CALN1: variants seen among roughly 807,000 people sequenced by gnomAD.
CALN1 encodes calcium-binding protein 8.
Under a neutral mutation model 30.6 loss-of-function variants are expected in CALN1, and 17 were observed. That is an observed-to-expected ratio of 0.56 (90% CI 0.38 to 0.83). The LOEUF is 0.83. CALN1 is among the 40% of genes least tolerant of loss of function. The pLI is 0.00. For synonymous variants in CALN1, 156 were observed against 131.4 expected, an observed-to-expected ratio of 1.19 and a Z score of -1.28; for missense variants, 291 against 354.9, an observed-to-expected ratio of 0.82 and a Z score of 1.45.
intron 4 of CALN1, among the ~76,000 whole-genome samples, chr7:72,064,929 T>A: frequency 6.6e-6 from 1 of 151,952 alleles, no homozygotes; most frequent in Admixed American, 6.6e-5. Flanking sequence ...TGTTATTATG[T>A]GGCTCTAGGA....
intron 2 of CALN1, among the ~76,000 whole-genome samples, chr7:72,307,988 G>C (rs1264221162): frequency 6.6e-6 from 1 of 151,980 alleles, no homozygotes; most frequent in East Asian, 1.9e-4. Flanking sequence ...CCTTCACAAA[G>C]ACACGGTGAT....
chr7:72,262,704 G>A (rs1157055600), intron 3 of CALN1, among the ~76,000 whole-genome samples: 2 of 152,194 alleles, frequency 1.3e-5, no homozygotes, highest in African/African-American at 4.8e-5. Context: ...TGGCTGCACA[G>A]TATTCCATGT....
chr7:72,344,943 AATTG>A (rs908503144), intron 2 of CALN1, among the ~76,000 whole-genome samples: 57 of 147,512 alleles, frequency 3.9e-4, no homozygotes, highest in African/African-American at 1.2e-3. Flanking sequence ...TTCATATATG[AATTG>A]TTTTATGTGG....
intron 5 of CALN1, 69 bp from the exon 6 acceptor site, chr7:71,810,561 A>G (rs1013273510): frequency 6.6e-7 from 1 of 1,514,264 alleles, no homozygotes; most frequent in Non-Finnish European, 9.0e-7. Flanking sequence ...GGGCCATGAC[A>G]GGCCAGACCC....
At chr7:72,314,494 G>A (rs927005128) in intron 2 of CALN1, among the ~76,000 whole-genome samples, 1 of 150,686 alleles carries the variant, frequency 6.6e-6, no homozygotes, top group African/African-American at 2.4e-5. Context: ...CACAATTTTG[G>A]CTCACTGCAA....
chr7:72,058,146 C>T (rs773745046), intron 4 of CALN1, among the ~76,000 whole-genome samples: 1 of 152,006 alleles, frequency 6.6e-6, no homozygotes, highest in African/African-American at 2.4e-5. Context: ...AATCACGCCA[C>T]GTTAAACACC....
At chr7:72,395,286 G>A (rs1334084356) in intron 2 of CALN1, among the ~76,000 whole-genome samples, 1 of 152,174 alleles carries the variant, frequency 6.6e-6, no homozygotes, top group East Asian at 1.9e-4. Flanking sequence ...GTCCCCGGGA[G>A]AGAAAATAAA....
At chr7:71,803,208 G>A (rs527981464) in intron 6 of CALN1, among the ~76,000 whole-genome samples, 36 of 152,166 alleles carry the variant, frequency 2.4e-4, no homozygotes, top group African/African-American at 7.7e-4. Flanking sequence ...AATTCAGAGG[G>A]GTGAAATGAA....
chr7:72,066,413 T>A lies in CALN1; in HGVS notation c.388+39738A>T, dbSNP rs569676651. Among the ~76,000 whole-genome samples the A allele has an allele frequency of 1.2e-4, 18 of 152,306 alleles. 2 individuals are homozygous for A. The South Asian group carries it at 3.3e-3, about 28-fold the overall frequency. ...CTATCTTAACCACACACATACCAAATTCGTCAATGTAAACTTGTCAAATGC... is the reference window on the plus strand; with the variant it reads ...CTATCTTAACCACACACATACCAAAATCGTCAATGTAAACTTGTCAAATGC... On this transcript the variant is annotated intron_variant, in intron 4 of 6. Coordinates refer to ENST00000395275, the MANE Select transcript of CALN1 (RefSeq NM_031468.4).
chr7:72,330,378 G>A (rs1310323158), intron 2 of CALN1, among the ~76,000 whole-genome samples: 1 of 147,566 alleles, frequency 6.8e-6, no homozygotes, highest in African/African-American at 2.5e-5. Context: ...TGAGGCAGAA[G>A]AATCACTTGA....
At chr7:71,916,124 T>G (rs1794677935) in intron 5 of CALN1, among the ~76,000 whole-genome samples, 1 of 152,116 alleles carries the variant, frequency 6.6e-6, no homozygotes, top group South Asian at 2.1e-4. Context: ...ATGTGACACT[T>G]GAGCGAAGAT....
intron 2 of CALN1, among the ~76,000 whole-genome samples, chr7:72,393,679 C>T (rs1228022034): frequency 6.6e-6 from 1 of 151,790 alleles, no homozygotes; most frequent in Non-Finnish European, 1.5e-5. Flanking sequence ...TTCTGATGCT[C>T]CAAAGCCCTT....
intron 5 of CALN1, among the ~76,000 whole-genome samples, chr7:71,918,079 C>T (rs559034925): frequency 6.6e-6 from 1 of 152,296 alleles, no homozygotes; most frequent in Admixed American, 6.5e-5. Flanking sequence ...TAACCCCTGA[C>T]TTGCCTAGAA....
rs1011493605 is a variant in CALN1 at position 71,817,973 on chromosome 7, A to G, written c.502-7481T>C. ...TCCATAAATTATTCTTATAGTTCAA[A>G]TATTTGTTAAATGAGGCTATTCTGT... On this transcript the variant is annotated intron_variant, in intron 5 of 6. Coordinates refer to ENST00000395275, the MANE Select transcript of CALN1 (RefSeq NM_031468.4). 9.2e-5 allele frequency among the ~76,000 whole-genome samples: 14 copies of G among 152,254 alleles called. No homozygotes were observed. The South Asian group carries it at 2.3e-3, about 25-fold the overall frequency.
At chr7:72,402,674 G>A (rs893776028) in intron 2 of CALN1, among the ~76,000 whole-genome samples, 2 of 152,142 alleles carry the variant, frequency 1.3e-5, no homozygotes, top group Non-Finnish European at 2.9e-5. Flanking sequence ...CCTGTGGCTT[G>A]GTAGCATAGA....
chr7:72,111,940 G>C (rs557301244), intron 3 of CALN1, among the ~76,000 whole-genome samples: 1 of 151,720 alleles, frequency 6.6e-6, no homozygotes, highest in South Asian at 2.1e-4. Flanking sequence ...TAGTAGAGAC[G>C]GTGTTTCACT....
At chr7:72,381,236 TGA>T (rs774621288) in intron 2 of CALN1, among the ~76,000 whole-genome samples, 15 of 152,240 alleles carry the variant, frequency 9.9e-5, no homozygotes, top group East Asian at 1.9e-4. Context: ...ACACTGTTGG[TGA>T]GAGTGTAAAT....
chr7:71,799,386 T>C (rs544848464), intron 6 of CALN1, among the ~76,000 whole-genome samples: 3 of 152,280 alleles, frequency 2.0e-5, no homozygotes, highest in African/African-American at 7.2e-5. Flanking sequence ...CAGCTCTGTT[T>C]CAGTGTTATT....
At chr7:72,003,663 T>C (rs1443370234) in intron 5 of CALN1, among the ~76,000 whole-genome samples, 2 of 152,220 alleles carry the variant, frequency 1.3e-5, no homozygotes, top group Admixed American at 6.5e-5. Context: ...GATCTGTCAC[T>C]ATCTCCCATC....
Sources: gnomAD v4.1 joint callset for allele counts (sites outside exome capture counted in the v4.1 genomes callset) on GRCh38, gnomAD v4.1.1 for gene constraint, MANE v1.5 for transcripts, NCBI Gene and HGNC (gene_info 2026-07-23, HGNC 2026-07-21) for gene names.